Variants in MAST4 observed in about 807,000 individuals in gnomAD.
MAST4 encodes microtubule-associated serine/threonine-protein kinase 4.
Under a neutral mutation model 162.7 loss-of-function variants are expected in MAST4, and 89 were observed. The observed-to-expected ratio is 0.55, with a 90% confidence interval of 0.46 to 0.65. The LOEUF (loss-of-function observed/expected upper bound fraction) is 0.65, where lower values mean the gene tolerates loss of function less well. Ranked by LOEUF, MAST4 falls within the 30% of genes least tolerant of loss-of-function variation. The probability of loss-of-function intolerance (pLI) is 0.00; values close to 1 mark genes in which losing one functional copy is unlikely to be tolerated. For missense variants in MAST4, 3,153 were observed against 3,374.0 expected (o/e 0.93, Z 1.62); for synonymous variants, 1,479 against 1,361.1 (o/e 1.09, Z -1.91).
intron 1 of MAST4, among the ~76,000 whole-genome samples, chr5:66,639,435 G>A (rs1272811643): frequency 6.6e-6 from 1 of 152,130 alleles, no homozygotes; most frequent in Non-Finnish European, 1.5e-5. Context: ...TTACATAATT[G>A]TAAAGCAAAA....
intron 4 of MAST4, among the ~76,000 whole-genome samples, chr5:66,958,376 A>C (rs1485011321): frequency 6.6e-6 from 1 of 152,206 alleles, no homozygotes; most frequent in Admixed American, 6.5e-5. Context: ...ATGCTGTGAA[A>C]AATTAGGTTC....
At position 67,102,536 on chromosome 5, in the gene MAST4, C is replaced by G; in HGVS notation, c.1071C>G (p.Ser357Arg). ...TPMRPRSRSL[S>R]PGRSPACCDH... ...AAAGGGTAATTTGCTTTGCTTGCAG[C>G]CCTGGACGTTCTCCCGCCTGCTGTG... The change falls in exon 9 of 29, where the codon AGC becomes AGG. Residue 357 changes from serine (S) to arginine (R), a missense_variant and splice_region_variant. By Grantham distance (110) the Ser-to-Arg change is moderately radical. Transcript: ENST00000403625. 1 of 1,613,766 alleles carries G rather than the reference C, an allele frequency of 6.2e-7. No homozygotes were observed. Among genetic ancestry groups the G allele is most frequent in the Non-Finnish European group, 8.5e-7 (1 of 1,179,698 alleles).
At chr5:66,757,608 T>C (rs1753618168) in intron 1 of MAST4, among the ~76,000 whole-genome samples, 1 of 148,314 alleles carries the variant, frequency 6.7e-6, no homozygotes, top group Non-Finnish European at 1.5e-5. Context: ...TTCTTGTTCT[T>C]AGAACAGGCA....
In MAST4 at chr5:67,125,676, A is replaced by G. The variant is rs376083847; in HGVS notation, c.1746-4534A>G. ...ATTGATGGGCATTTGGGTTGGTTCC[A>G]AGTCTTTGCTATTGTGAACAGTGCC... On this transcript the variant is annotated intron_variant, in intron 14 of 28. Coordinates refer to ENST00000403625, the MANE Select transcript of MAST4 (RefSeq NM_001164664.2). 3.2e-4 allele frequency among the ~76,000 whole-genome samples: 49 copies of G among 152,202 alleles called. 1 individual carries two copies. The highest frequency in any genetic ancestry group is 1.7e-3 in the East Asian group (9 of 5,172).
At chr5:66,793,772 G>A (rs912292535) in intron 3 of MAST4, among the ~76,000 whole-genome samples, 2 of 152,084 alleles carry the variant, frequency 1.3e-5, no homozygotes, top group Admixed American at 6.5e-5. Flanking sequence ...TCCCATTGAG[G>A]TTTTCCTTGA....
chr5:67,097,722 A>G (rs1382420389), intron 7 of MAST4, among the ~76,000 whole-genome samples: 1 of 152,080 alleles, frequency 6.6e-6, no homozygotes, highest in Non-Finnish European at 1.5e-5. Flanking sequence ...ATTAGGCTCA[A>G]TATTCCTATT....
At chr5:67,062,191 G>A (rs1759702553) in intron 5 of MAST4, among the ~76,000 whole-genome samples, 1 of 152,118 alleles carries the variant, frequency 6.6e-6, no homozygotes, top group Non-Finnish European at 1.5e-5. Flanking sequence ...TACGAGGTTG[G>A]GAGATCCAGA....
chr5:66,868,421 A>ATATATATGTATATACATATATATGTG (rs1469483101), intron 3 of MAST4, among the ~76,000 whole-genome samples: 3 of 151,204 alleles, frequency 2.0e-5, no homozygotes, highest in Non-Finnish European at 4.4e-5. Context: ...GTATATGTGT[A>ATATATATGTATATACATATATATGTG]TATATATGTA....
intron 5 of MAST4, among the ~76,000 whole-genome samples, chr5:67,066,254 T>C (rs888817741): frequency 6.6e-6 from 1 of 151,672 alleles, no homozygotes; most frequent in African/African-American, 2.4e-5. Flanking sequence ...ATCTATATTG[T>C]CCCCCTTAAA....
intron 2 of MAST4, among the ~76,000 whole-genome samples, chr5:66,776,117 T>G (rs148962753): frequency 1.3e-5 from 2 of 152,354 alleles, no homozygotes; most frequent in East Asian, 3.9e-4. Flanking sequence ...GTTAGGAAAT[T>G]TAGACTTGTC....
At chr5:67,046,973 A>G (rs1442967983) in intron 4 of MAST4, among the ~76,000 whole-genome samples, 1 of 152,218 alleles carries the variant, frequency 6.6e-6, no homozygotes, top group Non-Finnish European at 1.5e-5. Flanking sequence ...ATTGATACAA[A>G]TATGGAAAAG....
chr5:66,854,648 G>T (rs1166310635), intron 3 of MAST4, among the ~76,000 whole-genome samples: 1 of 152,070 alleles, frequency 6.6e-6, no homozygotes, highest in Non-Finnish European at 1.5e-5. Flanking sequence ...TTCTTGGAAG[G>T]AGAAGTTACA....
intron 3 of MAST4, among the ~76,000 whole-genome samples, chr5:66,826,799 ACTTC>A (rs1009398517): frequency 5.3e-5 from 8 of 152,146 alleles, no homozygotes; most frequent in Non-Finnish European, 7.3e-5. Flanking sequence ...ATCTGTCAGG[ACTTC>A]CTTTTGCCTC....
At chr5:67,130,749 G>GTACT (rs1163064465) in intron 15 of MAST4, among the ~76,000 whole-genome samples, 2 of 152,072 alleles carry the variant, frequency 1.3e-5, no homozygotes, top group African/African-American at 4.8e-5. Context: ...TATCATAAAA[G>GTACT]TACTCATCAC....
Position 66,951,598 on chromosome 5 carries a change from ATGTGTGTGTGTGTG to A in MAST4, c.674+51658_674+51671del, listed in dbSNP as rs59043309. Among the ~76,000 whole-genome samples the A allele has an allele frequency of 2.7e-3, 335 of 122,416 alleles. 3 individuals carry two copies. The highest frequency in any genetic ancestry group is 0.014 in the South Asian group (46 of 3,240). The allele number at this position is 122,416 out of a possible 152,430, so 80.3% of individuals were successfully genotyped here. On this transcript the variant is annotated intron_variant, in intron 4 of 28. Transcript: ENST00000403625. ...AGGCCATTATTTTGCCTCCCATGATATGTGTGTGTGTGTGTGTGTGTGTGTGTGTGTGTGTGTGT... is the reference window on the plus strand; with the variant it reads ...AGGCCATTATTTTGCCTCCCATGATATGTGTGTGTGTGTGTGTGTGTGTGT...
intron 1 of MAST4, among the ~76,000 whole-genome samples, chr5:66,676,180 C>T (rs1747933439): frequency 6.6e-6 from 1 of 152,162 alleles, no homozygotes; most frequent in Non-Finnish European, 1.5e-5. Flanking sequence ...CTGGGAGACA[C>T]ATTAGCTATC....
intron 1 of MAST4, among the ~76,000 whole-genome samples, chr5:66,622,655 G>A (rs1405080036): frequency 2.6e-5 from 4 of 152,156 alleles, no homozygotes; most frequent in Non-Finnish European, 5.9e-5. Context: ...AACAGGCTCA[G>A]GATGTGTATT....
intron 14 of MAST4, among the ~76,000 whole-genome samples, chr5:67,126,534 G>T (rs892561649): frequency 6.6e-6 from 1 of 152,154 alleles, no homozygotes; most frequent in African/African-American, 2.4e-5. Context: ...TGTCAAGTTT[G>T]TCAAAGATCA....
intron 4 of MAST4, among the ~76,000 whole-genome samples, chr5:67,047,304 C>A (rs1357404893): frequency 6.6e-6 from 1 of 152,294 alleles, no homozygotes; most frequent in Non-Finnish European, 1.5e-5. Context: ...CTGCTGCAGA[C>A]CTGCCTCCTG....
Sources: gnomAD v4.1 joint callset for allele counts (sites outside exome capture counted in the v4.1 genomes callset) on GRCh38, gnomAD v4.1.1 for gene constraint, MANE v1.5 for transcripts, NCBI Gene and HGNC (gene_info 2026-07-23, HGNC 2026-07-21) for gene names.